The following LHX6 variants were observed in gnomAD, a reference collection of about 807,000 sequenced individuals.
The protein encoded by LHX6 is LIM/homeobox protein Lhx6.
Under a neutral mutation model 47.1 loss-of-function variants are expected in LHX6, and 15 were observed. The ratio of observed to expected loss-of-function variants is 0.32; its 90% CI spans 0.21 to 0.49. The LOEUF is 0.49. Among genes scored for constraint, LHX6 ranks in the 20% least tolerant of loss-of-function variants. The pLI, the probability that LHX6 is intolerant of heterozygous loss-of-function variation, is 0.99. For synonymous variants in LHX6, 242 were observed against 233.5 expected, an observed-to-expected ratio of 1.04 and a Z score of -0.33; for missense variants, 404 against 539.6, an observed-to-expected ratio of 0.75 and a Z score of 2.49.
At chr9:122,208,171 G>A (rs566697168) in intron 9 of LHX6, among the ~76,000 whole-genome samples, 4 of 152,202 alleles carry the variant, frequency 2.6e-5, no homozygotes, top group Non-Finnish European at 4.4e-5. Context: ...CAAGGCTCTC[G>A]CTTTCCTCCT....
intron 2 of LHX6, 108 bp from the exon 3 acceptor site, chr9:122,227,138 C>T (rs1404218638): frequency 8.3e-6 from 9 of 1,078,322 alleles, no homozygotes; most frequent in African/African-American, 1.6e-5. Flanking sequence ...ACGAAATCTC[C>T]CCAGGACAAT....
Position 122,226,914 on chromosome 9 carries a change from C to T in LHX6, c.273G>A (p.Val91=), listed in dbSNP as rs1445679857. Residue 91 remains valine (V), a synonymous_variant, in exon 3 of 10, where the codon GTG becomes GTA. Transcript: ENST00000394319. This position sits in a 1 kb window ranked among gnomAD's most constrained non-coding sequence, Gnocchi z 6.5. The stretch of plus-strand genomic sequence containing the variant: ...AGCAGATGTTCTTGCCTGCAGACGG[C>T]ACGGAGGAGGCGGCAGAGGGCGGTG... ...VCSPPSAASS[V]PSAGKNICSS... The T allele has an allele frequency of 4.5e-6, 7 of 1,563,102 alleles. No individual in the cohort carries two copies. In the East Asian group the frequency reaches 1.6e-4, roughly 37 times the overall value.
Position 122,226,715 on chromosome 9 carries a change from G to A in LHX6, c.339+133C>T, listed in dbSNP as rs991828052. On this transcript the variant is annotated intron_variant, in intron 3 of 9. Transcript: ENST00000394319. This position sits in a 1 kb window ranked among gnomAD's most constrained non-coding sequence, Gnocchi z 6.5. ...GGGGCTCAGGCAGACCCTAAGTCTTGCCCAAAGCTTCGCAGTCGGGCAGCA... is the reference window on the plus strand; with the variant it reads ...GGGGCTCAGGCAGACCCTAAGTCTTACCCAAAGCTTCGCAGTCGGGCAGCA... 2.4e-6 allele frequency: 3 copies of A among 1,261,656 alleles called. No homozygotes were observed. Among genetic ancestry groups the A allele is most frequent in the South Asian group, 1.5e-5 (1 of 65,828 alleles). 78.2% of individuals were successfully genotyped at this position (1,261,656 alleles called of 1,614,324 possible).
rs1830095355 is a variant in LHX6, at chr9:122,204,509, C to T, written c.*251G>A. 1 of 422,764 alleles carries T rather than the reference C, an allele frequency of 2.4e-6. No individual in the cohort carries two copies. 26.2% of individuals were successfully genotyped at this position (422,764 alleles called of 1,614,324 possible). On this transcript the variant is annotated 3_prime_UTR_variant, in exon 10 of 10. Coordinates refer to ENST00000394319, the MANE Select transcript of LHX6 (RefSeq NM_014368.5). ...TTTAAATGGGAAAAACAGGCTGTTT[C>T]CACCCTGATTCCAGATTTCAGGGAG...
chr9:122,225,588 G>A (rs571644357), intron 4 of LHX6, among the ~76,000 whole-genome samples: 1 of 152,244 alleles, frequency 6.6e-6, no homozygotes, highest in African/African-American at 2.4e-5. Context: ...AGGGCTCCGG[G>A]TGCCCAGTTC....
At chr9:122,209,041 C>T (rs961593615) in intron 9 of LHX6, among the ~76,000 whole-genome samples, 4 of 152,146 alleles carry the variant, frequency 2.6e-5, no homozygotes, top group African/African-American at 7.2e-5. Flanking sequence ...CCTTCATCTG[C>T]ACTATGGACA....
intron 1 of LHX6, 66 bp from the exon 2 acceptor site, chr9:122,227,546 C>A: frequency 6.8e-7 from 1 of 1,465,826 alleles, no homozygotes; most frequent in Non-Finnish European, 9.0e-7. Flanking sequence ...CAGCCTGAGC[C>A]CAGCGCCTCC....
chr9:122,212,319 G>A (rs760951620), intron 8 of LHX6, among the ~76,000 whole-genome samples: 4 of 152,106 alleles, frequency 2.6e-5, no homozygotes. Flanking sequence ...AAGGCATACC[G>A]GCTCCCACTA....
At chr9:122,225,272 T>C (rs939774083) in intron 4 of LHX6, among the ~76,000 whole-genome samples, 1 of 152,196 alleles carries the variant, frequency 6.6e-6, no homozygotes, top group Non-Finnish European at 1.5e-5. Context: ...TTTCTCCACT[T>C]TTTGAGAAAG....
rs1830512326 is a variant in LHX6, at chr9:122,214,273, G to C, written c.783+10C>G. On this transcript the variant is annotated intron_variant, in intron 6 of 9. Transcript: ENST00000394319. This position sits in a 1 kb window ranked among gnomAD's most constrained non-coding sequence, Gnocchi z 4.6. Reference sequence around the variant, plus strand: ...CCCCCGCCCCCGCCGCCCACTGCTTGCAGCGGTACCTGCAGCTGTTCCGCG... The same window carrying C: ...CCCCCGCCCCCGCCGCCCACTGCTTCCAGCGGTACCTGCAGCTGTTCCGCG... 5.7e-6 allele frequency: 9 copies of C among 1,586,634 alleles called. No individual in the cohort carries two copies. The highest frequency in any genetic ancestry group is 7.7e-6 in the Non-Finnish European group (9 of 1,171,146).
intron 1 of LHX6, 23 bp downstream of exon 1, chr9:122,228,634 C>T (rs1228493965): frequency 1.1e-5 from 14 of 1,305,532 alleles, no homozygotes; most frequent in African/African-American, 1.5e-5. Flanking sequence ...CCGGGCCGCT[C>T]ACCCAGTCGT....
intron 1 of LHX6, chr9:122,227,915 A>G: frequency 2.9e-6 from 1 of 342,964 alleles, no homozygotes; most frequent in Non-Finnish European, 5.3e-6. Context: ...TTGATTTTTT[A>G]ATGGTAGTAA....
chr9:122,224,147 C>T (rs559419206), intron 4 of LHX6, among the ~76,000 whole-genome samples: 1 of 152,284 alleles, frequency 6.6e-6, no homozygotes, highest in African/African-American at 2.4e-5. Flanking sequence ...CTTGCCTCAG[C>T]CTCCTGAGTA....
intron 9 of LHX6, among the ~76,000 whole-genome samples, chr9:122,208,172 C>A (rs1420385649): frequency 6.6e-6 from 1 of 152,180 alleles, no homozygotes; most frequent in African/African-American, 2.4e-5. Flanking sequence ...AAGGCTCTCG[C>A]TTTCCTCCTC....
intron 8 of LHX6, among the ~76,000 whole-genome samples, chr9:122,211,792 C>T (rs1830407122): frequency 6.6e-6 from 1 of 152,290 alleles, no homozygotes; most frequent in East Asian, 1.9e-4. Context: ...GGTCATGGCC[C>T]CAAGTCCAAA....
In LHX6 at chr9:122,228,698, C is replaced by G; in HGVS notation, c.43G>C (p.Gly15Arg). The G allele has an allele frequency of 7.7e-7, 1 of 1,292,754 alleles. No homozygotes were observed. The highest frequency in any genetic ancestry group is 9.8e-7 in the Non-Finnish European group (1 of 1,020,416). The allele number at this position is 1,292,754 out of a possible 1,614,324, so 80.1% of individuals were successfully genotyped here. Residue 15 changes from glycine (G) to arginine (R), a missense_variant, in exon 1 of 10, where the codon GGC (glycine) becomes CGC (arginine). Coordinates refer to ENST00000394319, the MANE Select transcript of LHX6 (RefSeq NM_014368.5). ...HENAAPALPE[G>R]CRLPAEGGPA... ...CCGCCCTCGGCCGGCAGCCGGCAGC[C>G]CTCGGGCAACGCCGGGGCGGCGTTC... is the stretch of plus-strand genomic sequence containing the variant.
intron 2 of LHX6, 167 bp downstream of exon 2, chr9:122,227,242 G>T: frequency 1.2e-6 from 1 of 857,246 alleles, no homozygotes; most frequent in Non-Finnish European, 1.7e-6. Context: ...GCTGGGAGCG[G>T]TTAAAGCCAA....
intron 4 of LHX6, among the ~76,000 whole-genome samples, chr9:122,223,195 G>T (rs1830944577): frequency 6.6e-6 from 1 of 152,152 alleles, no homozygotes; most frequent in African/African-American, 2.4e-5. Context: ...GCCAGGGATG[G>T]GTTATGCCTG....
intron 4 of LHX6, among the ~76,000 whole-genome samples, chr9:122,224,695 G>T (rs373183718): frequency 6.6e-6 from 1 of 151,510 alleles, no homozygotes; most frequent in Non-Finnish European, 1.5e-5. Flanking sequence ...ACCACTTTGC[G>T]TGCACGTGCA....
Sources: gnomAD v4.1 joint callset for allele counts (sites outside exome capture counted in the v4.1 genomes callset) on GRCh38, gnomAD v4.1.1 for gene constraint, Gnocchi (gnomAD v3.1) non-coding constraint, MANE v1.5 for transcripts, NCBI Gene and HGNC (gene_info 2026-07-23, HGNC 2026-07-21) for gene names.